The following OPRM1 variants were observed in gnomAD, a reference collection of about 807,000 sequenced individuals.
The protein encoded by OPRM1 is mu-type opioid receptor.
OPRM1 carries 27 observed loss-of-function variants against 31.8 expected under a neutral mutation model. The ratio of observed to expected loss-of-function variants is 0.85; its 90% CI spans 0.63 to 1.17. OPRM1 has a LOEUF of 1.17. Among genes scored for constraint, OPRM1 ranks in the 50% most tolerant of loss-of-function variants. The probability of loss-of-function intolerance (pLI) is 0.00; values close to 1 mark genes in which losing one functional copy is unlikely to be tolerated. For missense variants in OPRM1, 536 were observed against 511.1 expected (o/e 1.05, Z -0.47); for synonymous variants, 196 against 189.9 (o/e 1.03, Z -0.26).
rs1020217705 is a variant in OPRM1 at position 154,130,318 on chromosome 6, G to A, written c.*11597G>A. Among the ~76,000 whole-genome samples the A allele has an allele frequency of 7.9e-5, 12 of 151,488 alleles. No homozygotes were observed. The highest frequency in any genetic ancestry group is 2.1e-4 in the South Asian group (1 of 4,782). On this transcript the variant is annotated 3_prime_UTR_variant, in exon 4 of 4. Transcript: ENST00000330432. ...TGAGTAGCTGGGACTACAGGTGCCC[G>A]CCACAACACCTGGCTAATTTTTTGT... is the stretch of plus-strand genomic sequence containing the variant.
intron 3 of OPRM1, among the ~76,000 whole-genome samples, chr6:154,150,155 G>T (rs551428641): frequency 6.6e-6 from 1 of 152,292 alleles, no homozygotes; most frequent in Admixed American, 6.5e-5. Context: ...TTAAATTTGG[G>T]ACACCATTTT....
chr6:154,089,891 C>T lies in OPRM1; in HGVS notation c.356C>T (p.Ala119Val), dbSNP rs1189978610. 1 of 1,614,144 alleles carries T rather than the reference C, an allele frequency of 6.2e-7. No individual in the cohort carries two copies. Among genetic ancestry groups the T allele is most frequent in the Middle Eastern group, 1.6e-4 (1 of 6,062 alleles). Residue 119 changes from alanine (A) to valine (V), a missense_variant, in exon 2 of 4, where the codon GCC becomes GTC. Physicochemically the swap from Ala to Val is moderately conservative, Grantham distance 64. Transcript: ENST00000330432. Reference sequence around the variant, plus strand: ...AACCTTGCTCTGGCAGATGCCTTAGCCACCAGTACCCTGCCCTTCCAGAGT... The same window carrying T: ...AACCTTGCTCTGGCAGATGCCTTAGTCACCAGTACCCTGCCCTTCCAGAGT... ...IFNLALADAL[A>V]TSTLPFQSVN...
intron 1 of OPRM1, among the ~76,000 whole-genome samples, chr6:154,015,867 A>G (rs1417381824): frequency 1.3e-5 from 2 of 152,082 alleles, no homozygotes; most frequent in East Asian, 3.8e-4. Flanking sequence ...GAGATGGTCA[A>G]CCTCACTGAT....
chr6:154,152,331 G>GGAAAGAA (rs1251268659), intron 3 of OPRM1, among the ~76,000 whole-genome samples: 1 of 50,640 alleles, frequency 2.0e-5, no homozygotes. Context: ...AAGAAAGAAA[G>GGAAAGAA]AAAGAAAGAA....
At chr6:154,150,256 T>C (rs1477158301) in intron 3 of OPRM1, among the ~76,000 whole-genome samples, 4 of 152,234 alleles carry the variant, frequency 2.6e-5, no homozygotes, top group Admixed American at 2.0e-4. Context: ...ACAGGGATGG[T>C]ATATTAAGCC....
intron 3 of OPRM1, among the ~76,000 whole-genome samples, chr6:154,241,712 CT>C (rs1780609426): frequency 6.6e-6 from 1 of 152,204 alleles, no homozygotes; most frequent in South Asian, 2.1e-4. Flanking sequence ...AACTGGCCTT[CT>C]GGCAGCTCCC....
At chr6:154,096,045 G>A (rs903376473) in intron 3 of OPRM1, among the ~76,000 whole-genome samples, 1 of 151,980 alleles carries the variant, frequency 6.6e-6, no homozygotes, top group Non-Finnish European at 1.5e-5. Context: ...TGTTGTTATT[G>A]TTGTTGTTTG....
intron 3 of OPRM1, chr6:154,093,584 A>G: frequency 6.7e-7 from 1 of 1,487,920 alleles, no homozygotes. Flanking sequence ...AAGTAACTAA[A>G]AGGTTTGCTT....
chr6:154,149,218 G>A (rs1798433242), intron 3 of OPRM1, among the ~76,000 whole-genome samples: 1 of 152,164 alleles, frequency 6.6e-6, no homozygotes, highest in East Asian at 1.9e-4. Flanking sequence ...CGTGGTAGAA[G>A]GGGAAGAAAA....
At chr6:154,229,674 A>G (rs1779572620) in intron 3 of OPRM1, among the ~76,000 whole-genome samples, 1 of 152,174 alleles carries the variant, frequency 6.6e-6, no homozygotes, top group Non-Finnish European at 1.5e-5. Flanking sequence ...GTTTCTAAAA[A>G]AAGTAAGCAT....
chr6:154,069,114 A>G (rs753961709), intron 1 of OPRM1, among the ~76,000 whole-genome samples: 1 of 152,136 alleles, frequency 6.6e-6, no homozygotes, highest in Non-Finnish European at 1.5e-5. Context: ...GCCCCTTATC[A>G]GCTGTATAAT....
At chr6:154,084,967 A>G (rs1790179843) in intron 1 of OPRM1, among the ~76,000 whole-genome samples, 1 of 151,756 alleles carries the variant, frequency 6.6e-6, no homozygotes, top group Admixed American at 6.6e-5. Context: ...GGATTCTAAA[A>G]TGTGTCCTTC....
At chr6:154,045,993 T>C (rs1781039386) in intron 1 of OPRM1, among the ~76,000 whole-genome samples, 2 of 152,176 alleles carry the variant, frequency 1.3e-5, no homozygotes, top group South Asian at 4.1e-4. Flanking sequence ...AGTTTCCCAC[T>C]CCTTGCCAAG....
intron 3 of OPRM1, among the ~76,000 whole-genome samples, chr6:154,151,941 G>A (rs1798509576): frequency 2.0e-5 from 3 of 152,106 alleles, no homozygotes; most frequent in African/African-American, 7.2e-5. Context: ...TTGGGAGGCT[G>A]AGGTGGGTGG....
chr6:154,041,739 C>T (rs1780108850), intron 1 of OPRM1, among the ~76,000 whole-genome samples: 1 of 151,868 alleles, frequency 6.6e-6, no homozygotes. Context: ...CAAATTATCC[C>T]CAAATTCTAT....
intron 3 of OPRM1, among the ~76,000 whole-genome samples, chr6:154,149,754 T>G (rs565629819): frequency 6.6e-6 from 1 of 152,316 alleles, no homozygotes; most frequent in Non-Finnish European, 1.5e-5. Context: ...TGGTCCCATA[T>G]GGTCAAGGCC....
At position 154,170,870 on chromosome 6, in the gene OPRM1, T is replaced by C. The variant is rs73567106; in HGVS notation, c.1165-75823T>C. Among the ~76,000 whole-genome samples, 232 of 152,280 alleles carry C rather than the reference T, an allele frequency of 1.5e-3. 1 individual carries two copies. Among genetic ancestry groups the C allele is most frequent in the African/African-American group, 5.5e-3 (227 of 41,562 alleles). On this transcript the variant is annotated intron_variant, in intron 3 of 3. Coordinates refer to the OPRM1 transcript ENST00000337049. Reference sequence around the variant, plus strand: ...ATGTAAAACAGAGCTGCTACTTTTATTTTATTGTTTATTTTTTAAAGACAG... The same window carrying C: ...ATGTAAAACAGAGCTGCTACTTTTACTTTATTGTTTATTTTTTAAAGACAG...
chr6:154,191,285 G>A (rs549982546), intron 3 of OPRM1, among the ~76,000 whole-genome samples: 14 of 152,220 alleles, frequency 9.2e-5, no homozygotes, highest in East Asian at 5.8e-4. Context: ...TATTTTTTAC[G>A]GCAGTGAAAC....
Position 154,168,011 on chromosome 6 carries a change from T to A in OPRM1, c.1164+76539T>A. 1 of 1,612,102 alleles carries A rather than the reference T, an allele frequency of 6.2e-7. No individual in the cohort carries two copies. The highest frequency in any genetic ancestry group is 8.5e-7 in the Non-Finnish European group (1 of 1,178,390). On this transcript the variant is annotated intron_variant, in intron 3 of 3. Transcript: ENST00000337049. This position sits in a 1 kb window ranked among gnomAD's most constrained non-coding sequence, Gnocchi z 4.1. ...CTTAACAAAGGATTTTCTCAACTCC[T>A]TTTTAGTCGAAGGTCGTCGGTCCCC...
Sources: allele counts gnomAD v4.1 joint callset (sites outside exome capture counted in the v4.1 genomes callset), GRCh38; gene constraint gnomAD v4.1.1; non-coding constraint Gnocchi (gnomAD v3.1); transcripts MANE v1.5; gene names NCBI Gene and HGNC (gene_info 2026-07-23, HGNC 2026-07-21).